The following DEUP1 variants were observed in gnomAD, a reference collection of about 807,000 sequenced individuals.
DEUP1 encodes coiled-coil domain containing 67.
A neutral mutation model predicts 87.4 loss-of-function variants in DEUP1; 82 were observed. The observed-to-expected ratio is 0.94, with a 90% CI of 0.78 to 1.13. DEUP1 has a LOEUF of 1.13. Ranked by LOEUF, DEUP1 falls within the 50% of genes most tolerant of loss-of-function variation. DEUP1 has a pLI of 0.00. For synonymous variants in DEUP1, 214 were observed against 222.7 expected (o/e 0.96, Z 0.35); for missense variants, 663 against 681.5 (o/e 0.97, Z 0.30).
chr11:93,371,786 T>G (rs1290498648), intron 7 of DEUP1, among the ~76,000 whole-genome samples: 1 of 152,222 alleles, frequency 6.6e-6, no homozygotes. Flanking sequence ...TTGACAAATA[T>G]GATTGATGGT....
At chr11:93,331,146 C>T (rs1192535372) in intron 1 of DEUP1, among the ~76,000 whole-genome samples, 1 of 144,636 alleles carries the variant, frequency 6.9e-6, no homozygotes, top group East Asian at 2.0e-4. Flanking sequence ...TTCACCATCC[C>T]TGCTCCTCTC....
chr11:93,365,914 T>C (rs1945392794), intron 5 of DEUP1, among the ~76,000 whole-genome samples: 1 of 152,198 alleles, frequency 6.6e-6, no homozygotes, highest in South Asian at 2.1e-4. Flanking sequence ...GTAATAGCAG[T>C]GTACCACATG....
At chr11:93,341,136 G>C (rs2134163387) in intron 2 of DEUP1, among the ~76,000 whole-genome samples, 1 of 152,290 alleles carries the variant, frequency 6.6e-6, no homozygotes, top group East Asian at 1.9e-4. Flanking sequence ...ATATGGTGTA[G>C]GCTGGGCATG....
At chr11:93,407,932 G>C (rs573319996) in intron 11 of DEUP1, among the ~76,000 whole-genome samples, 39 of 151,780 alleles carry the variant, frequency 2.6e-4, no homozygotes, top group African/African-American at 9.2e-4. Flanking sequence ...ACAATGCATA[G>C]AGTAAACCTT....
chr11:93,427,530 A>T (rs1947961190), intron 13 of DEUP1, among the ~76,000 whole-genome samples: 1 of 152,022 alleles, frequency 6.6e-6, no homozygotes, highest in South Asian at 2.1e-4. Context: ...CCCTAGAAGA[A>T]AACCTAGGCA....
At chr11:93,411,567 T>TA (rs1159249675) in intron 12 of DEUP1, among the ~76,000 whole-genome samples, 1 of 152,162 alleles carries the variant, frequency 6.6e-6, no homozygotes, top group Non-Finnish European at 1.5e-5. Context: ...AGCACTTTCT[T>TA]AAAAAATATG....
At chr11:93,414,475 C>A (rs1947544509) in intron 12 of DEUP1, among the ~76,000 whole-genome samples, 1 of 151,746 alleles carries the variant, frequency 6.6e-6, no homozygotes. Flanking sequence ...CCACTGCACT[C>A]CAGCCTAGGC....
chr11:93,428,053 G>A (rs1947984220), intron 13 of DEUP1, among the ~76,000 whole-genome samples: 1 of 152,004 alleles, frequency 6.6e-6, no homozygotes, highest in Non-Finnish European at 1.5e-5. Context: ...AACCATTGTG[G>A]AAGTCAGTGT....
intron 8 of DEUP1, 98 bp downstream of exon 8, chr11:93,385,641 A>G (rs958401654): frequency 2.2e-6 from 2 of 901,024 alleles, no homozygotes; most frequent in African/African-American, 1.7e-5. Flanking sequence ...TATAAAGTCT[A>G]TTTTGTATTA....
intron 13 of DEUP1, among the ~76,000 whole-genome samples, chr11:93,416,512 G>A (rs1340297256): frequency 2.0e-5 from 3 of 151,886 alleles, no homozygotes; most frequent in South Asian, 2.1e-4. Flanking sequence ...ACCAATAACA[G>A]GATCTGAAAT....
chr11:93,381,051 A>G (rs556279213), intron 7 of DEUP1, among the ~76,000 whole-genome samples: 4 of 152,334 alleles, frequency 2.6e-5, no homozygotes, highest in African/African-American at 9.6e-5. Flanking sequence ...TTAGGTAAAA[A>G]TCCTGAATAT....
chr11:93,373,625 G>GTATATATATATATATA (rs1555048258), intron 7 of DEUP1, among the ~76,000 whole-genome samples: 1 of 67,002 alleles, frequency 1.5e-5, no homozygotes, highest in African/African-American at 4.1e-5. Context: ...ATATATATAC[G>GTATATATATATATATA]TATATATATA....
intron 7 of DEUP1, among the ~76,000 whole-genome samples, chr11:93,381,822 A>G (rs563829683): frequency 6.6e-6 from 1 of 152,294 alleles, no homozygotes; most frequent in South Asian, 2.1e-4. Flanking sequence ...CTAACATATC[A>G]TAACAATATA....
intron 13 of DEUP1, among the ~76,000 whole-genome samples, chr11:93,430,302 C>T (rs770760891): frequency 1.6e-4 from 24 of 151,156 alleles, no homozygotes; most frequent in Non-Finnish European, 3.4e-4. Context: ...AAGATAGACA[C>T]ATAAGTAGTA....
At chr11:93,363,541 T>C (rs1042822511) in intron 4 of DEUP1, among the ~76,000 whole-genome samples, 44 of 151,878 alleles carry the variant, frequency 2.9e-4, no homozygotes, top group African/African-American at 9.9e-4. Context: ...TACATGAGTA[T>C]AGAAATTTCC....
intron 12 of DEUP1, among the ~76,000 whole-genome samples, chr11:93,412,561 G>A (rs1193179599): frequency 5.9e-5 from 9 of 152,082 alleles, no homozygotes; most frequent in African/African-American, 2.2e-4. Flanking sequence ...ATAAATGTTA[G>A]TAATTAACAC....
intron 13 of DEUP1, among the ~76,000 whole-genome samples, chr11:93,435,193 G>C (rs1948207387): frequency 2.0e-5 from 3 of 152,168 alleles, no homozygotes; most frequent in Admixed American, 6.5e-5. Flanking sequence ...CAAGGTGCTA[G>C]GGACCTATTG....
chr11:93,377,040 T>G (rs180823766), intron 7 of DEUP1, among the ~76,000 whole-genome samples: 2 of 152,364 alleles, frequency 1.3e-5, no homozygotes, highest in Non-Finnish European at 2.9e-5. Flanking sequence ...TAGCCTATCT[T>G]ATGTTCTTTC....
chr11:93,418,173 T>A (rs1947715834), intron 13 of DEUP1, among the ~76,000 whole-genome samples: 1 of 151,820 alleles, frequency 6.6e-6, no homozygotes, highest in African/African-American at 2.4e-5. Flanking sequence ...AAGCCAAAAT[T>A]GACAAATGGG....
Sources: allele counts gnomAD v4.1 joint callset (sites outside exome capture counted in the v4.1 genomes callset), GRCh38; gene constraint gnomAD v4.1.1; transcripts MANE v1.5; gene names NCBI Gene and HGNC (gene_info 2026-07-23, HGNC 2026-07-21).